Variants in ATXN1 observed in about 807,000 individuals in gnomAD.
ATXN1 encodes the protein ataxin 1.
In ATXN1, 8 loss-of-function variants were observed where a neutral mutation model predicts 56.4. That is an observed-to-expected ratio of 0.14 (90% CI 0.08 to 0.26). The LOEUF (loss-of-function observed/expected upper bound fraction) is 0.26, where lower values mean the gene tolerates loss of function less well. ATXN1 is among the 10% of genes least tolerant of loss of function. The probability of loss-of-function intolerance (pLI) is 1.00; values close to 1 mark genes in which losing one functional copy is unlikely to be tolerated. For synonymous variants in ATXN1, 514 were observed against 494.6 expected (o/e 1.04, Z -0.52); for missense variants, 987 against 1,106.5 (o/e 0.89, Z 1.53).
chr6:16,494,625 C>T (rs1188261201), intron 5 of ATXN1, among the ~76,000 whole-genome samples: 6 of 151,978 alleles, frequency 3.9e-5, no homozygotes, highest in East Asian at 1.9e-4. Flanking sequence ...TCCTTATGGA[C>T]GTAGTGCAAA....
chr6:16,342,112 G>A (rs531200667), intron 6 of ATXN1, among the ~76,000 whole-genome samples: 1 of 151,186 alleles, frequency 6.6e-6, no homozygotes, highest in Non-Finnish European at 1.5e-5. Context: ...TCAAACTCCT[G>A]ACCTGAGCGA....
At chr6:16,674,066 T>TATATATATATATATATATATATATATA (rs1758603860) in intron 2 of ATXN1, among the ~76,000 whole-genome samples, 1 of 152,118 alleles carries the variant, frequency 6.6e-6, no homozygotes, top group African/African-American at 2.4e-5. Context: ...TATATATATA[T>TATATATATATATATATATATATATATA]TCTTACATTG....
intron 6 of ATXN1, among the ~76,000 whole-genome samples, chr6:16,350,104 T>C (rs1236202625): frequency 1.3e-5 from 2 of 152,208 alleles, no homozygotes; most frequent in Non-Finnish European, 2.9e-5. Flanking sequence ...CCAATGACTG[T>C]AATCTAAACA....
intron 6 of ATXN1, among the ~76,000 whole-genome samples, chr6:16,365,783 T>A (rs1313856878): frequency 1.3e-5 from 2 of 152,226 alleles, no homozygotes; most frequent in African/African-American, 4.8e-5. Context: ...ACCTCATTTT[T>A]AAAAAATTAC....
At chr6:16,424,306 T>G (rs1013263429) in intron 6 of ATXN1, among the ~76,000 whole-genome samples, 1 of 152,188 alleles carries the variant, frequency 6.6e-6, no homozygotes, top group Non-Finnish European at 1.5e-5. Context: ...TGCGCATGAA[T>G]GGAGCCTGCG....
intron 3 of ATXN1, among the ~76,000 whole-genome samples, chr6:16,587,261 C>T (rs536506871): frequency 1.3e-3 from 195 of 152,280 alleles, no homozygotes; most frequent in Non-Finnish European, 2.0e-3. Flanking sequence ...CTAAAATCCA[C>T]GTCCTGCCTA....
intron 6 of ATXN1, among the ~76,000 whole-genome samples, chr6:16,421,032 T>G (rs1581750438): frequency 6.6e-6 from 1 of 152,236 alleles, no homozygotes; most frequent in Non-Finnish European, 1.5e-5. Context: ...TCTGGCTGGG[T>G]ACTGGCACTC....
chr6:16,365,068 A>ATT (rs997877194), intron 6 of ATXN1, among the ~76,000 whole-genome samples: 3 of 151,616 alleles, frequency 2.0e-5, no homozygotes, highest in South Asian at 2.1e-4. Flanking sequence ...ATATATATAT[A>ATT]TTTTATTACA....
chr6:16,627,720 C>G (rs1763432130), intron 3 of ATXN1, among the ~76,000 whole-genome samples: 1 of 152,128 alleles, frequency 6.6e-6, no homozygotes, highest in Non-Finnish European at 1.5e-5. Context: ...GAGCAAGACT[C>G]CATCTCAAAG....
At chr6:16,478,199 C>A (rs560163591) in intron 6 of ATXN1, among the ~76,000 whole-genome samples, 14 of 152,164 alleles carry the variant, frequency 9.2e-5, no homozygotes, top group Non-Finnish European at 1.6e-4. Context: ...GCAGCTCTCA[C>A]CTTGACACAC....
chr6:16,629,113 G>A (rs867424261), intron 3 of ATXN1, among the ~76,000 whole-genome samples: 14 of 151,916 alleles, frequency 9.2e-5, no homozygotes, highest in Middle Eastern at 3.4e-3. Flanking sequence ...CCCTTTCTCC[G>A]CAACCTCATC....
At chr6:16,566,667 C>A (rs1371673595) in intron 4 of ATXN1, among the ~76,000 whole-genome samples, 1 of 151,996 alleles carries the variant, frequency 6.6e-6, no homozygotes, top group East Asian at 1.9e-4. Context: ...TCCTGGCGAA[C>A]ACTGTGAAAC....
chr6:16,748,048 C>T (rs1212216391), intron 2 of ATXN1, among the ~76,000 whole-genome samples: 8 of 152,292 alleles, frequency 5.3e-5, no homozygotes, highest in Middle Eastern at 3.4e-3. Flanking sequence ...TTCATCATCT[C>T]GCTGAGACTC....
At chr6:16,673,085 T>C (rs1758581804) in intron 2 of ATXN1, among the ~76,000 whole-genome samples, 1 of 151,722 alleles carries the variant, frequency 6.6e-6, no homozygotes, top group Non-Finnish European at 1.5e-5. Flanking sequence ...AATTATTCTC[T>C]AGAGTCCCTA....
chr6:16,696,497 A>C (rs1277947471), intron 2 of ATXN1, among the ~76,000 whole-genome samples: 2 of 152,202 alleles, frequency 1.3e-5, no homozygotes, highest in Non-Finnish European at 2.9e-5. Context: ...TCTGCCGGAA[A>C]ATGTTGAGTT....
chr6:16,581,230 C>CGTGTGT (rs1211990167), intron 4 of ATXN1, among the ~76,000 whole-genome samples: 1 of 127,746 alleles, frequency 7.8e-6, no homozygotes, highest in Non-Finnish European at 1.8e-5. Flanking sequence ...TGTGTGCGCG[C>CGTGTGT]GTGTGTGTGT....
intron 5 of ATXN1, among the ~76,000 whole-genome samples, chr6:16,509,800 C>A (rs1441075749): frequency 6.6e-6 from 1 of 152,202 alleles, no homozygotes; most frequent in Non-Finnish European, 1.5e-5. Flanking sequence ...GAGTTTCCAT[C>A]CCAGACTGTC....
chr6:16,386,809 T>C (rs1001436744), intron 6 of ATXN1, among the ~76,000 whole-genome samples: 1 of 152,240 alleles, frequency 6.6e-6, no homozygotes, highest in African/African-American at 2.4e-5. Flanking sequence ...GAACAGGATG[T>C]TACTCCTTCA....
At chr6:16,602,470 T>TA (rs1215842121) in intron 3 of ATXN1, among the ~76,000 whole-genome samples, 1 of 151,702 alleles carries the variant, frequency 6.6e-6, no homozygotes, top group Non-Finnish European at 1.5e-5. Context: ...TTTTTTTTTT[T>TA]AGATGGAGTC....
Sources: allele counts gnomAD v4.1 joint callset (sites outside exome capture counted in the v4.1 genomes callset), GRCh38; gene constraint gnomAD v4.1.1; transcripts MANE v1.5; gene names NCBI Gene and HGNC (gene_info 2026-07-23, HGNC 2026-07-21).